SHTN1: variants seen among roughly 807,000 people sequenced by gnomAD.
SHTN1 encodes the protein shootin-1.
Under a neutral mutation model 83.1 loss-of-function variants are expected in SHTN1, and 42 were observed. The ratio of observed to expected loss-of-function variants is 0.51; its 90% CI spans 0.39 to 0.65. SHTN1 has a LOEUF of 0.65. Ranked by LOEUF, SHTN1 falls within the 30% of genes least tolerant of loss-of-function variation. The pLI is 0.00. For missense variants in SHTN1, 622 were observed against 737.8 expected (o/e 0.84, Z 1.82); for synonymous variants, 224 against 247.7 (o/e 0.90, Z 0.90).
At chr10:116,908,488 C>T (rs1352079725) in intron 14 of SHTN1, among the ~76,000 whole-genome samples, 1 of 152,108 alleles carries the variant, frequency 6.6e-6, no homozygotes, top group African/African-American at 2.4e-5. Flanking sequence ...AGTACTACAA[C>T]AACTATTCCC....
intron 2 of SHTN1, among the ~76,000 whole-genome samples, chr10:117,012,480 A>C (rs1852121340): frequency 6.6e-6 from 1 of 152,164 alleles, no homozygotes; most frequent in Admixed American, 6.5e-5. Context: ...CTGCAAAGTA[A>C]CAAAACCAAT....
intron 2 of SHTN1, among the ~76,000 whole-genome samples, chr10:117,025,475 G>A (rs1396164175): frequency 6.6e-6 from 1 of 152,172 alleles, no homozygotes; most frequent in Non-Finnish European, 1.5e-5. Flanking sequence ...AGGACACAAA[G>A]GCAGCACCTC....
intron 3 of SHTN1, among the ~76,000 whole-genome samples, chr10:116,965,684 T>C (rs528655244): frequency 3.5e-4 from 54 of 152,344 alleles, no homozygotes; most frequent in South Asian, 2.1e-4. Context: ...CAATCAGGCA[T>C]TGGATATTTT....
intron 1 of SHTN1, among the ~76,000 whole-genome samples, chr10:117,093,302 C>T (rs1444711127): frequency 1.3e-5 from 2 of 152,146 alleles, no homozygotes; most frequent in East Asian, 3.9e-4. Flanking sequence ...ACAGCTACTG[C>T]AGGTGATCTT....
intron 1 of SHTN1, among the ~76,000 whole-genome samples, chr10:116,993,834 T>C (rs544082532): frequency 6.6e-6 from 1 of 152,252 alleles, no homozygotes; most frequent in East Asian, 1.9e-4. Context: ...TTTTGTGAAA[T>C]TAAATTAAAT....
chr10:116,927,822 G>A lies in SHTN1; in HGVS notation c.1082C>T (p.Pro361Leu). 6.2e-7 allele frequency: 1 copy of A among 1,604,194 alleles called. No individual in the cohort carries two copies. The highest frequency in any genetic ancestry group is 8.5e-7 in the Non-Finnish European group (1 of 1,175,906). ...AGGATTGGGAGGTGGAGGGGGAAGTGGTGGTGGAGGAGGAGGTGGTGGAGG... is the reference window on the plus strand; with the variant it reads ...AGGATTGGGAGGTGGAGGGGGAAGTAGTGGTGGAGGAGGAGGTGGTGGAGG... ...SVPPPPPPPP[P>L]LPPPPPNPIR... is the part of the protein sequence containing the mutation. Residue 361 changes from proline (P) to leucine (L), a missense_variant, in exon 11 of 17, where the codon CCA becomes CTA. Physicochemically the swap from Pro to Leu is moderately conservative, Grantham distance 98 (BLOSUM62 -3). Transcript: ENST00000355371.
chr10:116,951,838 T>C (rs1849788263), intron 6 of SHTN1, 71 bp downstream of exon 6: 7 of 812,268 alleles, frequency 8.6e-6, no homozygotes, highest in Admixed American at 7.2e-5. Flanking sequence ...AATATTAAGT[T>C]CTTAACTTAG....
At chr10:117,067,459 G>C (rs991869836) in intron 1 of SHTN1, among the ~76,000 whole-genome samples, 1 of 152,202 alleles carries the variant, frequency 6.6e-6, no homozygotes, top group Non-Finnish European at 1.5e-5. Flanking sequence ...GCCAGACGTG[G>C]TGGCAGGTGC....
chr10:116,911,938 T>C, intron 13 of SHTN1, 95 bp from the exon 14 acceptor site: 4 of 882,658 alleles, frequency 4.5e-6, no homozygotes, highest in South Asian at 2.7e-5. Flanking sequence ...TAGCCTTATA[T>C]TGGTAATATG....
intron 5 of SHTN1, among the ~76,000 whole-genome samples, 185 bp downstream of exon 5, chr10:116,953,857 G>A (rs1405396251): frequency 6.6e-6 from 1 of 152,012 alleles, no homozygotes; most frequent in Non-Finnish European, 1.5e-5. Context: ...TCCAACTCCT[G>A]ACCTCAGGTG....
At chr10:117,037,146 A>G (rs533209008) in intron 2 of SHTN1, among the ~76,000 whole-genome samples, 46 of 152,302 alleles carry the variant, frequency 3.0e-4, no homozygotes, top group African/African-American at 9.6e-4. Flanking sequence ...ATTTAAGACA[A>G]TATCATTTAT....
At chr10:116,990,061 T>C (rs1851363728) in intron 1 of SHTN1, among the ~76,000 whole-genome samples, 1 of 152,096 alleles carries the variant, frequency 6.6e-6, no homozygotes, top group Admixed American at 6.6e-5. Flanking sequence ...CCCAAATCTC[T>C]ACCTGTAGAG....
chr10:116,938,041 G>C (rs1016692560), intron 9 of SHTN1, among the ~76,000 whole-genome samples: 1 of 151,710 alleles, frequency 6.6e-6, no homozygotes, highest in Non-Finnish European at 1.5e-5. Context: ...CTCTAAACTG[G>C]TTTTTCTAGT....
intron 8 of SHTN1, among the ~76,000 whole-genome samples, chr10:116,942,682 AT>A (rs1849424941): frequency 6.6e-6 from 1 of 152,214 alleles, no homozygotes; most frequent in Non-Finnish European, 1.5e-5. Context: ...TTTAGAAAAT[AT>A]TTGTATCTTT....
chr10:116,963,804 G>A (rs2576444), intron 3 of SHTN1, among the ~76,000 whole-genome samples: 152,204 of 152,294 alleles, frequency 1, 76,057 homozygotes, highest in Non-Finnish European at 1. Flanking sequence ...ATTTTTCATA[G>A]TAAAAAAATT....
At position 117,003,889 on chromosome 10, in the gene SHTN1, TTTA is replaced by T. The variant is rs762379078; in HGVS notation, c.58+1130_58+1132del. Among the ~76,000 whole-genome samples, 21 of 152,238 alleles carry T rather than the reference TTTA, an allele frequency of 1.4e-4. 1 individual carries two copies. In the East Asian group the frequency reaches 2.3e-3, roughly 17 times the overall value. ...GGTTCCTCCCTTTATTTCTTTATTA[TTTA>T]TTATTATTATTTTTTTTTGGAGATG... On this transcript the variant is annotated intron_variant, in intron 1 of 16. Transcript: ENST00000355371.
intron 1 of SHTN1, among the ~76,000 whole-genome samples, chr10:117,075,042 G>T (rs966845964): frequency 1.3e-5 from 2 of 152,058 alleles, no homozygotes; most frequent in African/African-American, 4.8e-5. Context: ...AAACAATACA[G>T]ATATAAATAA....
intron 1 of SHTN1, among the ~76,000 whole-genome samples, chr10:117,066,664 G>C (rs1044031437): frequency 6.6e-6 from 1 of 152,122 alleles, no homozygotes; most frequent in South Asian, 2.1e-4. Context: ...TGAATATCCA[G>C]CTGAATTTCC....
intron 1 of SHTN1, among the ~76,000 whole-genome samples, chr10:117,000,969 T>C (rs974587087): frequency 6.6e-6 from 1 of 152,216 alleles, no homozygotes; most frequent in African/African-American, 2.4e-5. Context: ...GAATGAATTA[T>C]ACAGAAAATC....
Sources: gnomAD v4.1 joint callset for allele counts (sites outside exome capture counted in the v4.1 genomes callset) on GRCh38, gnomAD v4.1.1 for gene constraint, MANE v1.5 for transcripts, NCBI Gene and HGNC (gene_info 2026-07-23, HGNC 2026-07-21) for gene names.